The following CSGALNACT1 variants were observed in gnomAD, a reference collection of about 807,000 sequenced individuals.
CSGALNACT1 encodes the protein chondroitin sulfate N-acetylgalactosaminyltransferase 1, also known as beta4GalNAcT-1.
A neutral mutation model predicts 51.0 loss-of-function variants in CSGALNACT1; 52 were observed. That is an observed-to-expected ratio of 1.02 (90% CI 0.82 to 1.29). The LOEUF (loss-of-function observed/expected upper bound fraction) is 1.29. CSGALNACT1 is among the 50% of genes most tolerant of loss of function. The pLI, the probability that CSGALNACT1 is intolerant of heterozygous loss-of-function variation, is 0.00. For missense variants in CSGALNACT1, 935 were observed against 679.2 expected (o/e 1.38, Z -4.19); for synonymous variants, 341 against 254.4 (o/e 1.34, Z -3.24).
chr8:19,614,949 A>T (rs6984441), intron 1 of CSGALNACT1, among the ~76,000 whole-genome samples: 4 of 152,220 alleles, frequency 2.6e-5, no homozygotes, highest in Non-Finnish European at 4.4e-5. Flanking sequence ...TTTTGCAGTG[A>T]TATTTCAATT....
intron 1 of CSGALNACT1, among the ~76,000 whole-genome samples, chr8:19,755,523 G>C (rs2065315516): frequency 6.8e-6 from 1 of 146,900 alleles, no homozygotes; most frequent in Non-Finnish European, 1.5e-5. Context: ...CGGGGCACTA[G>C]GATAAGTTCC....
intron 3 of CSGALNACT1, among the ~76,000 whole-genome samples, chr8:19,563,847 A>G (rs115843994): frequency 6.6e-6 from 1 of 151,918 alleles, no homozygotes; most frequent in East Asian, 1.9e-4. Context: ...AAAGGCCTCC[A>G]ACCTCCCCTT....
chr8:19,571,851 C>T (rs756232312), intron 3 of CSGALNACT1, among the ~76,000 whole-genome samples: 24 of 152,352 alleles, frequency 1.6e-4, no homozygotes, highest in Non-Finnish European at 2.5e-4. Flanking sequence ...TAATGTATGA[C>T]ATGCCTGAAT....
chr8:19,458,354 A>G, intron 5 of CSGALNACT1, 72 bp downstream of exon 4: 1 of 1,211,334 alleles, frequency 8.3e-7, no homozygotes, highest in East Asian at 2.3e-5. Context: ...AATGAAGGAG[A>G]TGACGGGAAA....
chr8:19,614,157 A>G (rs536057806), intron 1 of CSGALNACT1, among the ~76,000 whole-genome samples: 1 of 152,296 alleles, frequency 6.6e-6, no homozygotes, highest in East Asian at 1.9e-4. Context: ...ACGTGTATTG[A>G]TCACCTATTA....
intron 4 of CSGALNACT1, among the ~76,000 whole-genome samples, chr8:19,476,922 T>C (rs931713264): frequency 6.6e-6 from 1 of 152,094 alleles, no homozygotes; most frequent in Non-Finnish European, 1.5e-5. Flanking sequence ...TCCCATGAGG[T>C]CCCGAGCCTG....
chr8:19,498,796 G>C (rs2075921388), intron 4 of CSGALNACT1, among the ~76,000 whole-genome samples: 2 of 152,150 alleles, frequency 1.3e-5, no homozygotes, highest in South Asian at 4.1e-4. Flanking sequence ...CATAAGCCAG[G>C]AAGAACAGTG....
intron 4 of CSGALNACT1, among the ~76,000 whole-genome samples, chr8:19,497,982 T>A (rs878974736): frequency 6.6e-6 from 1 of 152,170 alleles, no homozygotes; most frequent in Admixed American, 6.5e-5. Context: ...CCAATGTTCA[T>A]CCTACATATG....
At position 19,487,407 on chromosome 8, in the gene CSGALNACT1, G is replaced by A. The variant is rs368123717; in HGVS notation, c.634+17794C>T. On this transcript the variant is annotated intron_variant, in intron 4 of 9. Transcript: ENST00000454498. ...AGAGCACAGGATGCCCAGTGTCCATGACAGGGAGGTTCCAGGACACGGCCC... is the reference window on the plus strand; with the variant it reads ...AGAGCACAGGATGCCCAGTGTCCATAACAGGGAGGTTCCAGGACACGGCCC... Among the ~76,000 whole-genome samples, 28 of 152,318 alleles carry A rather than the reference G, an allele frequency of 1.8e-4. 1 individual carries two copies. Among genetic ancestry groups the A allele is most frequent in the African/African-American group, 6.5e-4 (27 of 41,564 alleles).
intron 4 of CSGALNACT1, among the ~76,000 whole-genome samples, chr8:19,475,763 C>T (rs894679361): frequency 2.6e-5 from 4 of 152,202 alleles, no homozygotes; most frequent in East Asian, 1.9e-4. Context: ...GTTTTGGTCA[C>T]GCTAAACTCC....
intron 3 of CSGALNACT1, among the ~76,000 whole-genome samples, chr8:19,580,414 A>C (rs925061640): frequency 1.3e-5 from 2 of 152,228 alleles, no homozygotes; most frequent in African/African-American, 4.8e-5. Flanking sequence ...AGTCCTGGTA[A>C]ATACTTCAGG....
At chr8:19,594,488 C>CA (rs768315846) in intron 2 of CSGALNACT1, among the ~76,000 whole-genome samples, 24 of 152,144 alleles carry the variant, frequency 1.6e-4, no homozygotes, top group Non-Finnish European at 3.2e-4. Context: ...GTTAGGTGAC[C>CA]ATTTACCAAA....
intron 2 of CSGALNACT1, among the ~76,000 whole-genome samples, chr8:19,592,673 G>A (rs986196977): frequency 6.6e-6 from 1 of 152,184 alleles, no homozygotes; most frequent in Non-Finnish European, 1.5e-5. Context: ...AGGATCTCAT[G>A]AGCCTGGAAG....
intron 4 of CSGALNACT1, among the ~76,000 whole-genome samples, chr8:19,470,796 T>C (rs528411577): frequency 7.6e-4 from 115 of 152,260 alleles, no homozygotes; most frequent in African/African-American, 2.7e-3. Flanking sequence ...TGGGAACATG[T>C]GTTAAGAGAC....
intron 3 of CSGALNACT1, among the ~76,000 whole-genome samples, chr8:19,521,152 C>G (rs1042306572): frequency 3.3e-5 from 5 of 152,066 alleles, no homozygotes; most frequent in Non-Finnish European, 7.4e-5. Context: ...CTATAGGTAA[C>G]GGCTAGCCAG....
At chr8:19,574,256 C>T (rs1249984680) in intron 3 of CSGALNACT1, among the ~76,000 whole-genome samples, 2 of 152,194 alleles carry the variant, frequency 1.3e-5, no homozygotes, top group Non-Finnish European at 2.9e-5. Context: ...AGCTGCTCTA[C>T]TGGGGACTTG....
At chr8:19,629,459 T>C (rs538595776) in intron 1 of CSGALNACT1, among the ~76,000 whole-genome samples, 63 of 152,336 alleles carry the variant, frequency 4.1e-4, no homozygotes, top group African/African-American at 1.4e-3. Flanking sequence ...TTCATAGATA[T>C]GGAAACTAAG....
Position 19,553,996 on chromosome 8 carries a change from T to C in CSGALNACT1, c.-297+37164A>G, listed in dbSNP as rs572208770. Among the ~76,000 whole-genome samples the C allele has an allele frequency of 5.3e-5, 8 of 151,534 alleles. No individual in the cohort carries two copies. The East Asian group carries it at 1.4e-3, about 26-fold the overall frequency. ...CAGAATAGAGAAAAATAAGAAAAGA[T>C]AACCATCTAATTTCCAGTTTGTCCA... On this transcript the variant is annotated intron_variant, in intron 3 of 9. Transcript: ENST00000454498.
At chr8:19,432,748 T>G (rs1040773476) in intron 6 of CSGALNACT1, among the ~76,000 whole-genome samples, 10 of 152,224 alleles carry the variant, frequency 6.6e-5, no homozygotes, top group Non-Finnish European at 1.2e-4. Context: ...GTTATTGTAG[T>G]TTTCAACACT....
Sources: allele counts gnomAD v4.1 joint callset (sites outside exome capture counted in the v4.1 genomes callset), GRCh38; gene constraint gnomAD v4.1.1; transcripts MANE v1.5; gene names NCBI Gene and HGNC (gene_info 2026-07-23, HGNC 2026-07-21).